PDE3B: variants seen among roughly 807,000 people sequenced by gnomAD.
PDE3B encodes cGMP-inhibited 3',5'-cyclic phosphodiesterase 3B.
Under a neutral mutation model 116.8 loss-of-function variants are expected in PDE3B, and 66 were observed. The observed-to-expected ratio is 0.56, with a 90% CI of 0.46 to 0.69. The LOEUF (loss-of-function observed/expected upper bound fraction) is 0.69. PDE3B is among the 30% of genes least tolerant of loss of function. The pLI is 0.00. For synonymous variants in PDE3B, 595 were observed against 533.6 expected (o/e 1.12, Z -1.59); for missense variants, 1,384 against 1,368.1 (o/e 1.01, Z -0.18).
chr11:14,698,818 A>AGTACTATT (rs1252274832), intron 1 of PDE3B: 1 of 151,966 alleles, frequency 6.6e-6, no homozygotes, highest in Non-Finnish European at 1.5e-5. Flanking sequence ...ATAGAATTTA[A>AGTACTATT]GTACTATTAG....
rs773087812 is a variant in PDE3B at position 14,644,967 on chromosome 11, G to T, written c.892G>T (p.Val298Leu). 1 of 1,614,042 alleles carries T rather than the reference G, an allele frequency of 6.2e-7. No individual in the cohort carries two copies. The highest frequency in any genetic ancestry group is 2.2e-5 in the East Asian group (1 of 44,872). ...VIRPRRRSSCVSLGETAASYY... is the reference protein window; with the variant it reads ...VIRPRRRSSCLSLGETAASYY... ...CCGACCCCGGAGGAGGTCCAGCTGC[G>T]TGTCGTTAGGAGAAACTGCAGCCAG... is the stretch of plus-strand genomic sequence containing the variant. Residue 298 changes from valine (V) to leucine (L), a missense_variant, in exon 1 of 16, where the codon GTG (valine) becomes TTG (leucine). Physicochemically the swap from Val to Leu is conservative, Grantham distance 32. Transcript: ENST00000282096.
chr11:14,846,978 C>G (rs1049282007), intron 12 of PDE3B, among the ~76,000 whole-genome samples: 5 of 152,150 alleles, frequency 3.3e-5, no homozygotes, highest in African/African-American at 9.7e-5. Flanking sequence ...CTCAGCTCTG[C>G]ACCAAGCGGA....
At chr11:14,645,132 A>T in intron 1 of PDE3B, 79 bp downstream of exon 1, 1 of 564,818 alleles carries the variant, frequency 1.8e-6, no homozygotes. Context: ...GAATTCGCTT[A>T]TTTCAAAGCA....
Position 14,643,957 on chromosome 11 carries a change from C to A in PDE3B, c.-119C>A. ...CCCGGGCCGTGGCGGCCGGCGCAGC[C>A]CTGACGGGTTGCGAACCAGGGGGCG... On this transcript the variant is annotated 5_prime_UTR_variant, in exon 1 of 16. Coordinates refer to ENST00000282096, the MANE Select transcript of PDE3B (RefSeq NM_000922.4). The A allele has an allele frequency of 7.3e-7, 1 of 1,361,516 alleles. No homozygotes were observed. Among genetic ancestry groups the A allele is most frequent in the Non-Finnish European group, 9.4e-7 (1 of 1,060,930 alleles). 84.3% of individuals were successfully genotyped at this position (1,361,516 alleles called of 1,614,324 possible). A position where few individuals can be genotyped will look rare whatever the true frequency, so the allele number is the denominator to read the frequency against.
intron 12 of PDE3B, among the ~76,000 whole-genome samples, chr11:14,846,655 C>A (rs528634401): frequency 2.0e-5 from 3 of 151,808 alleles, no homozygotes; most frequent in African/African-American, 7.3e-5. Flanking sequence ...ATCTACCAAG[C>A]AAATGAAAAA....
At chr11:14,751,286 C>T (rs1857050790) in intron 1 of PDE3B, among the ~76,000 whole-genome samples, 1 of 152,156 alleles carries the variant, frequency 6.6e-6, no homozygotes, top group South Asian at 2.1e-4. Flanking sequence ...GGTTGACCTG[C>T]AGCACCCTGG....
intron 2 of PDE3B, among the ~76,000 whole-genome samples, chr11:14,785,035 T>A (rs994045297): frequency 2.0e-5 from 3 of 152,074 alleles, no homozygotes; most frequent in Non-Finnish European, 2.9e-5. Flanking sequence ...AATTAGAGGT[T>A]TTTTTGCCTA....
chr11:14,869,956 C>T lies in PDE3B; in HGVS notation c.*296C>T. Reference sequence around the variant, plus strand: ...AATACTTTGTCATAATGCTGCTTTGCTGGGTAGTGAGCTCTTATTTTTCAC... The same window carrying T: ...AATACTTTGTCATAATGCTGCTTTGTTGGGTAGTGAGCTCTTATTTTTCAC... On this transcript the variant is annotated 3_prime_UTR_variant, in exon 16 of 16. Transcript: ENST00000282096. 4.5e-6 allele frequency: 1 copy of T among 219,944 alleles called. No homozygotes were observed. Among genetic ancestry groups the T allele is most frequent in the East Asian group, 9.5e-5 (1 of 10,476 alleles). 13.6% of individuals were successfully genotyped at this position (219,944 alleles called of 1,614,324 possible).
At chr11:14,660,259 CAA>C (rs1388167141) in intron 1 of PDE3B, among the ~76,000 whole-genome samples, 2 of 151,418 alleles carry the variant, frequency 1.3e-5, no homozygotes, top group Non-Finnish European at 2.9e-5. Context: ...ATTTCAACGA[CAA>C]GAGCTTATTT....
chr11:14,861,567 T>G (rs1847951021), intron 14 of PDE3B, among the ~76,000 whole-genome samples: 1 of 152,206 alleles, frequency 6.6e-6, no homozygotes, highest in South Asian at 2.1e-4. Flanking sequence ...AAAAAATAAC[T>G]TATTCCCTAT....
intron 14 of PDE3B, among the ~76,000 whole-genome samples, chr11:14,861,646 A>G (rs1555007197): frequency 6.6e-6 from 1 of 152,206 alleles, no homozygotes; most frequent in East Asian, 1.9e-4. Flanking sequence ...CCGAGTTTGC[A>G]GCAACCTCAA....
chr11:14,819,153 T>A lies in PDE3B; in HGVS notation c.1751T>A (p.Leu584Gln). ...NLCNSCGHQM[L>Q]KYVSTSESDG... ...TCTATAAGCTGTGGACATCAAATGCTGAAATATGTTTCAACATCTGAATCA... is the reference window on the plus strand; with the variant it reads ...TCTATAAGCTGTGGACATCAAATGCAGAAATATGTTTCAACATCTGAATCA... Residue 584 changes from leucine to glutamine, a missense_variant, in exon 7 of 16, where the codon CTG becomes CAG. Around this residue, in one of 2 missense-constraint regions of PDE3B, gnomAD observed 956 missense variants for 806.8 expected, o/e 1.18. Coordinates refer to ENST00000282096, the MANE Select transcript of PDE3B (RefSeq NM_000922.4). 6.3e-7 allele frequency: 1 copy of A among 1,594,990 alleles called. No individual in the cohort carries two copies. Among genetic ancestry groups the A allele is most frequent in the Non-Finnish European group, 8.6e-7 (1 of 1,166,442 alleles).
the PDE3B span, among the ~76,000 whole-genome samples, chr11:14,879,907 T>C: frequency 6.6e-6 from 1 of 152,130 alleles, no homozygotes; most frequent in Non-Finnish European, 1.5e-5. Context: ...CACACAGTGT[T>C]TTTTCTCATT....
At chr11:14,789,755 A>C (rs181037202) in intron 4 of PDE3B, among the ~76,000 whole-genome samples, 1 of 152,172 alleles carries the variant, frequency 6.6e-6, no homozygotes, top group Admixed American at 6.6e-5. Context: ...CTTGGAACTG[A>C]ACAATGCTAA....
intron 1 of PDE3B, among the ~76,000 whole-genome samples, chr11:14,677,472 T>G (rs1223261271): frequency 6.6e-6 from 1 of 152,244 alleles, no homozygotes; most frequent in Non-Finnish European, 1.5e-5. Context: ...AAGCACTGAA[T>G]TGTAAACATA....
intron 1 of PDE3B, among the ~76,000 whole-genome samples, chr11:14,730,867 G>T (rs558693990): frequency 6.6e-6 from 1 of 152,246 alleles, no homozygotes; most frequent in South Asian, 2.1e-4. Context: ...TCATCATTTG[G>T]TATCTAACAT....
At chr11:14,737,961 A>C (rs927542636) in intron 1 of PDE3B, among the ~76,000 whole-genome samples, 23 of 152,090 alleles carry the variant, frequency 1.5e-4, no homozygotes, top group Admixed American at 1.2e-3. Context: ...TCATTTTTTA[A>C]GGCTGCATAG....
chr11:14,733,804 A>T (rs1473991489), intron 1 of PDE3B, among the ~76,000 whole-genome samples: 1 of 152,124 alleles, frequency 6.6e-6, no homozygotes, highest in African/African-American at 2.4e-5. Context: ...TGAAAGAATG[A>T]GATGTAATTT....
chr11:14,725,301 CTT>C (rs1278546821), intron 1 of PDE3B, among the ~76,000 whole-genome samples: 2 of 118,972 alleles, frequency 1.7e-5, no homozygotes, highest in East Asian at 2.4e-4. Context: ...TTCTTTCTTT[CTT>C]TCTTTCTCTT....
Sources: gnomAD v4.1 joint callset for allele counts (sites outside exome capture counted in the v4.1 genomes callset) on GRCh38, gnomAD v4.1.1 for gene constraint, gnomAD v4.1.1 regional missense constraint, MANE v1.5 for transcripts, NCBI Gene and HGNC (gene_info 2026-07-23, HGNC 2026-07-21) for gene names.